The following TST variants were observed in gnomAD, a reference collection of about 807,000 sequenced individuals.
The protein encoded by TST is thiosulfate sulfurtransferase.
A neutral mutation model predicts 20.4 loss-of-function variants in TST; 22 were observed. The observed-to-expected ratio is 1.08, with a 90% CI of 0.77 to 1.54. The LOEUF is 1.54. Among genes scored for constraint, TST ranks in the 40% most tolerant of loss-of-function variants. The pLI is 0.00. For synonymous variants in TST, 187 were observed against 173.8 expected (o/e 1.08, Z -0.60); for missense variants, 392 against 405.2 (o/e 0.97, Z 0.28).
intron 2 of TST, among the ~76,000 whole-genome samples, chr22:37,013,850 T>G (rs1402795437): frequency 2.6e-5 from 4 of 151,854 alleles, no homozygotes. Context: ...AATCCTGTTT[T>G]GTTGTCCCCA....
chr22:37,018,756 G>T lies in TST; in HGVS notation c.-21-3C>A. The T allele has an allele frequency of 6.9e-7, 1 of 1,455,322 alleles. No homozygotes were observed. The highest frequency in any genetic ancestry group is 1.4e-5 in the African/African-American group (1 of 70,846). 90.2% of individuals were successfully genotyped at this position (1,455,322 alleles called of 1,614,324 possible). A position where few individuals can be genotyped will look rare whatever the true frequency, so the allele number is the denominator to read the frequency against. ...ATGGCTTCAGCTCTGCGTGTCACCT[G>T]GCACGGGTGGGAACCAGGAAAGAGA... On this transcript the variant is annotated splice_region_variant and splice_polypyrimidine_tract_variant and intron_variant, in intron 1 of 2. Coordinates refer to ENST00000249042, the MANE Select transcript of TST (RefSeq NM_003312.6).
At chr22:37,012,920 T>C (rs548310218) in intron 2 of TST, among the ~76,000 whole-genome samples, 1 of 152,222 alleles carries the variant, frequency 6.6e-6, no homozygotes, top group East Asian at 1.9e-4. Flanking sequence ...CATGCGCCTG[T>C]AATCCCAGCT....
chr22:37,020,005 T>C (rs999487167), upstream of TST: 113 of 449,210 alleles, frequency 2.5e-4, no homozygotes, highest in Non-Finnish European at 3.6e-4. Flanking sequence ...GGCGCGCCGC[T>C]ACGTTGGCAC....
At position 37,018,608 on chromosome 22, in the gene TST, C is replaced by T. The variant is rs1922807145; in HGVS notation, c.125G>A (p.Arg42Gln). ...CTCGAGGTACTCCTTGCGGGCCTCTCGGGTGCCTGGTGAGTACCAGGACGC... is the reference window on the plus strand; with the variant it reads ...CTCGAGGTACTCCTTGCGGGCCTCTTGGGTGCCTGGTGAGTACCAGGACGC... ...LDASWYSPGTREARKEYLERH... is the reference protein window; with the variant it reads ...LDASWYSPGTQEARKEYLERH... Residue 42 changes from arginine (R) to glutamine (Q), a missense_variant, in exon 2 of 3, where the codon CGA becomes CAA. By Grantham distance (43) the Arg-to-Gln change is conservative. Coordinates refer to ENST00000249042, the MANE Select transcript of TST (RefSeq NM_003312.6). 2.6e-6 allele frequency: 4 copies of T among 1,567,132 alleles called. No individual in the cohort carries two copies. The East Asian group carries it at 7.1e-5, about 28-fold the overall frequency.
chr22:37,011,254 C>A lies in TST; in HGVS notation c.667G>T (p.Glu223Ter). Reference sequence around the variant, plus strand: ...GCACGGAGCTCTTCTGGGCCCTTCTCGAAGCCATCCTCAGTCAGGAAGTCC... The same window carrying A: ...GCACGGAGCTCTTCTGGGCCCTTCTAGAAGCCATCCTCAGTCAGGAAGTCC... ...FMDFLTEDGF[E>*]KGPEELRALF... The change falls in exon 3 of 3, where the codon GAG (glutamate) becomes TAG (stop). Residue 223 changes from glutamate to a stop codon, truncating the protein, a stop_gained. Transcript: ENST00000249042. LOFTEE classifies it high-confidence loss of function. 6.2e-7 allele frequency: 1 copy of A among 1,613,946 alleles called. No individual in the cohort carries two copies. The highest frequency in any genetic ancestry group is 8.5e-7 in the Non-Finnish European group (1 of 1,180,020).
intron 2 of TST, among the ~76,000 whole-genome samples, chr22:37,017,663 C>T (rs1922729682): frequency 6.6e-6 from 1 of 152,066 alleles, no homozygotes; most frequent in Non-Finnish European, 1.5e-5. Context: ...CCCAGGAGAG[C>T]TAGATTTGGG....
intron 2 of TST, among the ~76,000 whole-genome samples, chr22:37,012,188 C>T (rs933966873): frequency 1.3e-5 from 2 of 152,192 alleles, no homozygotes; most frequent in African/African-American, 2.4e-5. Flanking sequence ...CCAGCCACTT[C>T]ACCACCCATG....
At chr22:37,019,048 G>A (rs1922841919) in intron 1 of TST, 1 of 307,894 alleles carries the variant, frequency 3.2e-6, no homozygotes, top group Non-Finnish European at 6.0e-6. Flanking sequence ...GCTCCTAGAA[G>A]TTACAGTACT....
rs558712421 is a variant in TST at position 37,017,306 on chromosome 22, C to T, written c.595+832G>A. ...CAGTATCCAATCCACCTGGCCTTCCCTTCCACAGGAGGGGAACTTCTGAGT... is the reference window on the plus strand; with the variant it reads ...CAGTATCCAATCCACCTGGCCTTCCTTTCCACAGGAGGGGAACTTCTGAGT... On this transcript the variant is annotated intron_variant, in intron 2 of 2. Coordinates refer to ENST00000249042, the MANE Select transcript of TST (RefSeq NM_003312.6). Among the ~76,000 whole-genome samples the T allele has an allele frequency of 2.6e-5, 4 of 152,278 alleles. No homozygotes were observed. In the South Asian group the frequency reaches 8.3e-4, roughly 32 times the overall value.
Position 37,013,003 on chromosome 22 carries a change from T to C in TST, c.596-1678A>G, listed in dbSNP as rs1038407454. ...GTTGCAGTGAGCCGAGATCACCCCA[T>C]TGCACTGCAGCCTAGGCAGCAAGAG... On this transcript the variant is annotated intron_variant, in intron 2 of 2. Coordinates refer to ENST00000249042, the MANE Select transcript of TST (RefSeq NM_003312.6). 3.9e-5 allele frequency among the ~76,000 whole-genome samples: 6 copies of C among 152,032 alleles called. No individual in the cohort carries two copies. The South Asian group carries it at 6.2e-4, about 16-fold the overall frequency.
intron 2 of TST, among the ~76,000 whole-genome samples, chr22:37,017,173 G>A (rs1030713593): frequency 2.0e-5 from 3 of 152,186 alleles, no homozygotes; most frequent in East Asian, 1.9e-4. Context: ...TGATGGCAGC[G>A]AGACGGCAGT....
intron 2 of TST, among the ~76,000 whole-genome samples, chr22:37,015,949 T>TTTTC (rs1403329500): frequency 3.5e-5 from 5 of 142,804 alleles, no homozygotes; most frequent in Non-Finnish European, 7.6e-5. Context: ...TTTTTTTTTT[T>TTTTC]TTTTTTTTTT....
chr22:37,012,787 T>C (rs948893297), intron 2 of TST, among the ~76,000 whole-genome samples: 7 of 152,176 alleles, frequency 4.6e-5, no homozygotes, highest in Admixed American at 1.3e-4. Flanking sequence ...GGCTCACGCC[T>C]GTAGTCCCAG....
chr22:37,012,175 C>T lies in TST; in HGVS notation c.596-850G>A, dbSNP rs115200778. 8.9e-3 allele frequency among the ~76,000 whole-genome samples: 1,362 copies of T among 152,296 alleles called. 8 individuals are homozygous for T. Among genetic ancestry groups the T allele is most frequent in the Non-Finnish European group, 0.014 (936 of 68,014 alleles). On this transcript the variant is annotated intron_variant, in intron 2 of 2. Transcript: ENST00000249042. ...GGCCCACCCACCCTGCCATGCTGCG[C>T]CCCCAGCCACTTCACCACCCATGGA...
At chr22:37,013,439 T>C (rs1463379867) in intron 2 of TST, 3 of 127,060 alleles carry the variant, frequency 2.4e-5, no homozygotes, top group South Asian at 2.3e-4. Context: ...CCCATCTCTA[T>C]AGAAAAAAAA....
chr22:37,017,838 G>A (rs1922741483), intron 2 of TST, among the ~76,000 whole-genome samples: 1 of 152,196 alleles, frequency 6.6e-6, no homozygotes. Context: ...GTACATGTGG[G>A]GCAGCTGGTG....
At chr22:37,018,806 T>G (rs1922823020) in intron 1 of TST, 53 bp from the exon 2 acceptor site, 184 of 1,307,164 alleles carry the variant, frequency 1.4e-4, no homozygotes, top group Non-Finnish European at 1.7e-4. Flanking sequence ...AGGAAGTCGG[T>G]GTGTGCAGTA....
At chr22:37,019,613 G>A (rs917357799), upstream of TST, 4 of 254,134 alleles carry the variant, frequency 1.6e-5, no homozygotes, top group Admixed American at 2.2e-4. Context: ...GACCCGCGGG[G>A]GTCTGAGGGG....
chr22:37,013,196 G>A (rs1282501619), intron 2 of TST: 2 of 152,200 alleles, frequency 1.3e-5, no homozygotes, highest in Non-Finnish European at 2.9e-5. Context: ...GGGCCAAAGA[G>A]GATTCCAAAA....
Sources: gnomAD v4.1 joint callset for allele counts (sites outside exome capture counted in the v4.1 genomes callset) on GRCh38, gnomAD v4.1.1 for gene constraint, MANE v1.5 for transcripts, NCBI Gene and HGNC (gene_info 2026-07-23, HGNC 2026-07-21) for gene names.